The following CHD6 variants were observed in gnomAD, a reference collection of about 807,000 sequenced individuals.
CHD6 encodes the protein chromodomain helicase DNA binding protein 6, also known as ATP-dependent chromatin remodeler CHD6.
Under a neutral mutation model 276.9 loss-of-function variants are expected in CHD6, and 50 were observed. The ratio of observed to expected loss-of-function variants is 0.18; its 90% CI spans 0.14 to 0.23. CHD6 has a LOEUF of 0.23. Ranked by LOEUF, CHD6 falls within the 10% of genes least tolerant of loss-of-function variation. CHD6 has a pLI of 1.00. For synonymous variants in CHD6, 1,173 were observed against 1,229.3 expected (o/e 0.95, Z 0.96); for missense variants, 2,564 against 3,365.8 (o/e 0.76, Z 5.89).
chr20:41,443,310 A>G (rs950939914), intron 25 of CHD6, among the ~76,000 whole-genome samples: 1 of 152,218 alleles, frequency 6.6e-6, no homozygotes, highest in African/African-American at 2.4e-5. Flanking sequence ...ATTAATCCCA[A>G]TACCCTGAAC....
chr20:41,458,561 G>A (rs546232304), intron 17 of CHD6, among the ~76,000 whole-genome samples: 1 of 152,098 alleles, frequency 6.6e-6, no homozygotes, highest in Admixed American at 6.5e-5. Flanking sequence ...CTCATGGTTA[G>A]GTGTATATGT....
intron 1 of CHD6, among the ~76,000 whole-genome samples, chr20:41,586,359 G>C (rs931205753): frequency 1.3e-5 from 2 of 152,236 alleles, no homozygotes; most frequent in South Asian, 4.1e-4. Flanking sequence ...CTCCTGATCG[G>C]GCTAGAGGCT....
chr20:41,507,389 ATTT>A (rs11306578), intron 5 of CHD6, among the ~76,000 whole-genome samples: 1 of 147,430 alleles, frequency 6.8e-6, no homozygotes. Context: ...TAAAATTTCA[ATTT>A]TTTTTTTTTT....
intron 11 of CHD6, 134 bp downstream of exon 11, chr20:41,491,564 G>T: frequency 1.1e-6 from 1 of 909,284 alleles, no homozygotes; most frequent in Non-Finnish European, 1.7e-6. Context: ...TGATTAATGT[G>T]CAAAGACTAC....
At chr20:41,445,301 T>A (rs1299146112) in intron 25 of CHD6, among the ~76,000 whole-genome samples, 2 of 152,180 alleles carry the variant, frequency 1.3e-5, no homozygotes, top group African/African-American at 2.4e-5. Context: ...TGCTGAAACT[T>A]AGCATTTCCC....
intron 11 of CHD6, 68 bp from the exon 12 acceptor site, chr20:41,490,089 T>C: frequency 7.5e-7 from 1 of 1,328,926 alleles, no homozygotes; most frequent in Non-Finnish European, 1.1e-6. Context: ...TGGTTATAAC[T>C]TGAAAAGATG....
intron 14 of CHD6, among the ~76,000 whole-genome samples, chr20:41,487,274 T>C (rs1390032783): frequency 1.3e-5 from 2 of 152,162 alleles, no homozygotes; most frequent in Non-Finnish European, 2.9e-5. Flanking sequence ...AAGATGGGCC[T>C]GGGAACAAGT....
chr20:41,483,015 C>T (rs546791995), intron 16 of CHD6, among the ~76,000 whole-genome samples: 2 of 152,022 alleles, frequency 1.3e-5, no homozygotes, highest in Admixed American at 6.6e-5. Context: ...CTTTCTAATG[C>T]TATTTGAATT....
intron 5 of CHD6, among the ~76,000 whole-genome samples, chr20:41,502,986 C>G (rs546418292): frequency 1.3e-5 from 2 of 152,306 alleles, no homozygotes; most frequent in African/African-American, 4.8e-5. Flanking sequence ...GCCTGGGCGA[C>G]AGAGTGAGAC....
At chr20:41,440,248 T>A in intron 25 of CHD6, 119 bp from the exon 26 acceptor site, 3 of 908,554 alleles carry the variant, frequency 3.3e-6, no homozygotes, top group Non-Finnish European at 5.0e-6. Flanking sequence ...AAAAAAATAA[T>A]TATTTAAGAT....
chr20:41,530,332 C>T (rs2044652630), intron 3 of CHD6, among the ~76,000 whole-genome samples: 1 of 152,152 alleles, frequency 6.6e-6, no homozygotes. Flanking sequence ...GAAAGACTAG[C>T]CAGGTGGCAG....
Position 41,405,141 on chromosome 20 carries a change from C to T in CHD6, c.7600G>A (p.Val2534Ile). The change falls in exon 37 of 37, where the codon GTT becomes ATT. Residue 2534 changes from valine to isoleucine, a missense_variant. Coordinates refer to ENST00000373233, the MANE Select transcript of CHD6 (RefSeq NM_032221.5). ...ATGGGTGGACTGAGGAGTCCCCCAACACCAAACATCTGGGGCACAGCAGCC... is the reference window on the plus strand; with the variant it reads ...ATGGGTGGACTGAGGAGTCCCCCAATACCAAACATCTGGGGCACAGCAGCC... ...GMAAVPQMFGVGGLLSPPMAT... is the reference protein window; with the variant it reads ...GMAAVPQMFGIGGLLSPPMAT... The T allele has an allele frequency of 1.2e-6, 2 of 1,614,226 alleles. No homozygotes were observed. Among genetic ancestry groups the T allele is most frequent in the African/African-American group, 1.3e-5 (1 of 75,064 alleles).
At chr20:41,428,848 G>T (rs2047445756) in intron 27 of CHD6, among the ~76,000 whole-genome samples, 1 of 152,010 alleles carries the variant, frequency 6.6e-6, no homozygotes, top group African/African-American at 2.4e-5. Context: ...CTCTACAATG[G>T]GCATAAGAAT....
intron 3 of CHD6, among the ~76,000 whole-genome samples, chr20:41,531,011 T>G (rs2044672216): frequency 6.6e-6 from 1 of 152,244 alleles, no homozygotes; most frequent in Admixed American, 6.5e-5. Context: ...GACTGTACAT[T>G]TTCACTAGAC....
chr20:41,548,954 C>G (rs1393717415), intron 2 of CHD6, among the ~76,000 whole-genome samples: 2 of 152,150 alleles, frequency 1.3e-5, no homozygotes, highest in Non-Finnish European at 2.9e-5. Flanking sequence ...TACCATCTCA[C>G]ACCAGTTAGA....
intron 27 of CHD6, among the ~76,000 whole-genome samples, chr20:41,436,078 GAC>G (rs1252424382): frequency 6.6e-6 from 1 of 152,082 alleles, no homozygotes; most frequent in Non-Finnish European, 1.5e-5. Context: ...CCTAAAAAGA[GAC>G]ACTTACAGGG....
chr20:41,520,499 G>A (rs1462649356), intron 3 of CHD6, among the ~76,000 whole-genome samples: 1 of 152,014 alleles, frequency 6.6e-6, no homozygotes, highest in East Asian at 1.9e-4. Context: ...CATAAAAAAT[G>A]ATGAGTTCAT....
In CHD6 at chr20:41,581,995, TCTTA is replaced by T. The variant is rs2045545494; in HGVS notation, c.-23-30639_-23-30636del. Among the ~76,000 whole-genome samples, 4 of 152,188 alleles carry T rather than the reference TCTTA, an allele frequency of 2.6e-5. No individual in the cohort carries two copies. The South Asian group carries it at 8.3e-4, about 32-fold the overall frequency. On this transcript the variant is annotated intron_variant, in intron 1 of 36. Coordinates refer to ENST00000373233, the MANE Select transcript of CHD6 (RefSeq NM_032221.5). ...AATTCATCCATGGCCAGCCCTCACTTCTTACTTGAGTGCATTTTTAAGATACATC... is the reference window on the plus strand; with the variant it reads ...AATTCATCCATGGCCAGCCCTCACTTCTTGAGTGCATTTTTAAGATACATC...
At chr20:41,469,474 G>C (rs553684205) in intron 17 of CHD6, among the ~76,000 whole-genome samples, 7 of 152,304 alleles carry the variant, frequency 4.6e-5, no homozygotes, top group Admixed American at 3.3e-4. Flanking sequence ...TTTGCCTTCA[G>C]GGGTAGCAGC....
Sources: gnomAD v4.1 joint callset for allele counts (sites outside exome capture counted in the v4.1 genomes callset) on GRCh38, gnomAD v4.1.1 for gene constraint, MANE v1.5 for transcripts, NCBI Gene and HGNC (gene_info 2026-07-23, HGNC 2026-07-21) for gene names.